THSD4: variants seen among roughly 807,000 people sequenced by gnomAD.
The protein encoded by THSD4 is thrombospondin type 1 domain containing 4, also known as thrombospondin type-1 domain-containing protein 4.
In THSD4, 69 loss-of-function variants were observed where a neutral mutation model predicts 119.0. The ratio of observed to expected loss-of-function variants is 0.58; its 90% CI spans 0.48 to 0.71. THSD4 has a LOEUF of 0.71. THSD4 is among the 30% of genes least tolerant of loss of function. The probability of loss-of-function intolerance (pLI) is 0.00; values close to 1 mark genes in which losing one functional copy is unlikely to be tolerated. For synonymous variants in THSD4, 524 were observed against 540.4 expected (o/e 0.97, Z 0.42); for missense variants, 1,393 against 1,391.1 (o/e 1.00, Z -0.02).
intron 7 of THSD4, among the ~76,000 whole-genome samples, chr15:71,545,983 C>A (rs2048831399): frequency 6.6e-6 from 1 of 152,146 alleles, no homozygotes; most frequent in Non-Finnish European, 1.5e-5. Context: ...AATTTACTTT[C>A]TGGGGCTGGC....
At chr15:71,614,356 A>T (rs2050286219) in intron 7 of THSD4, among the ~76,000 whole-genome samples, 1 of 152,026 alleles carries the variant, frequency 6.6e-6, no homozygotes, top group Non-Finnish European at 1.5e-5. Flanking sequence ...TGCTTTTTCC[A>T]CCTCAGAGCC....
At chr15:71,668,069 A>G (rs2051451180) in intron 8 of THSD4, among the ~76,000 whole-genome samples, 1 of 152,144 alleles carries the variant, frequency 6.6e-6, no homozygotes, top group South Asian at 2.1e-4. Context: ...TATTCTGTAC[A>G]GTGGATGTAC....
In THSD4 at chr15:71,780,290, C is replaced by T; in HGVS notation, c.*2916C>T. 1 of 158,896 alleles carries T rather than the reference C, an allele frequency of 6.3e-6. No individual in the cohort carries two copies. Among genetic ancestry groups the T allele is most frequent in the Admixed American group, 6.2e-5 (1 of 16,166 alleles). The allele number at this position is 158,896 out of a possible 1,614,324, so 9.8% of individuals were successfully genotyped here. A position where few individuals can be genotyped will look rare whatever the true frequency, so the allele number is the denominator to read the frequency against. On this transcript the variant is annotated 3_prime_UTR_variant, in exon 18 of 18. Transcript: ENST00000261862. ...CCTGTGTACGGGATTGCCTCATTTC[C>T]TGCTCTGAATTTTAAAATTAGATAT... is the stretch of plus-strand genomic sequence containing the variant.
chr15:71,224,102 G>A (rs2043995765), intron 4 of THSD4, among the ~76,000 whole-genome samples: 1 of 152,164 alleles, frequency 6.6e-6, no homozygotes, highest in African/African-American at 2.4e-5. Flanking sequence ...CTTTGAAAAG[G>A]AAAGATTTTA....
At chr15:71,532,521 T>C (rs75673352) in intron 7 of THSD4, among the ~76,000 whole-genome samples, 20,703 of 151,880 alleles carry the variant, frequency 0.14, 1,805 homozygotes, top group Middle Eastern at 0.22. Flanking sequence ...TTCACCATGT[T>C]GGCCAGGATG....
intron 7 of THSD4, among the ~76,000 whole-genome samples, chr15:71,613,119 T>C (rs1315137717): frequency 1.3e-5 from 2 of 152,164 alleles, no homozygotes; most frequent in Admixed American, 6.5e-5. Context: ...AGTATTTGTA[T>C]AAGCAGAGGT....
At chr15:71,765,346 C>G in intron 16 of THSD4, 147 bp downstream of exon 16, 1 of 977,470 alleles carries the variant, frequency 1.0e-6, no homozygotes, top group Non-Finnish European at 1.4e-6. Flanking sequence ...GCTGGAGTAC[C>G]CCGTGACTCA....
intron 8 of THSD4, among the ~76,000 whole-genome samples, chr15:71,667,623 G>A (rs558756313): frequency 2.6e-5 from 4 of 152,172 alleles, no homozygotes; most frequent in Non-Finnish European, 5.9e-5. Context: ...AAGTATCATG[G>A]ATCATCTATA....
intron 7 of THSD4, among the ~76,000 whole-genome samples, chr15:71,657,124 A>C (rs1203890494): frequency 6.6e-6 from 1 of 152,156 alleles, no homozygotes; most frequent in African/African-American, 2.4e-5. Context: ...AGCGTTCCTC[A>C]TGGCCTGATA....
intron 7 of THSD4, among the ~76,000 whole-genome samples, chr15:71,656,970 ATC>A (rs770196373): frequency 3.3e-5 from 5 of 152,220 alleles, no homozygotes; most frequent in African/African-American, 4.8e-5. Flanking sequence ...CATCCTAAGC[ATC>A]TCTCAAATCC....
chr15:71,743,153 T>A (rs1004110207), intron 11 of THSD4, among the ~76,000 whole-genome samples: 1 of 152,090 alleles, frequency 6.6e-6, no homozygotes, highest in Non-Finnish European at 1.5e-5. Flanking sequence ...CCATGGACAA[T>A]GTCCATAAAC....
At chr15:71,464,141 T>C (rs2047465938) in intron 7 of THSD4, among the ~76,000 whole-genome samples, 1 of 152,232 alleles carries the variant, frequency 6.6e-6, no homozygotes, top group African/African-American at 2.4e-5. Context: ...CCATGCTTGT[T>C]TATCCCATTT....
chr15:71,694,680 A>G (rs778056078), intron 8 of THSD4, among the ~76,000 whole-genome samples: 2 of 152,228 alleles, frequency 1.3e-5, no homozygotes, highest in African/African-American at 4.8e-5. Flanking sequence ...ATGATGTCCC[A>G]AGAAAAAGTA....
intron 7 of THSD4, among the ~76,000 whole-genome samples, chr15:71,442,257 C>A (rs2047107723): frequency 6.6e-6 from 1 of 151,896 alleles, no homozygotes; most frequent in African/African-American, 2.4e-5. Flanking sequence ...CGCACCCAGC[C>A]CCTTGTTGCT....
At chr15:71,480,495 A>G (rs1209240023) in intron 7 of THSD4, among the ~76,000 whole-genome samples, 1 of 152,200 alleles carries the variant, frequency 6.6e-6, no homozygotes, top group African/African-American at 2.4e-5. Context: ...CTCTTGCCAT[A>G]ATATTGCTGC....
intron 8 of THSD4, among the ~76,000 whole-genome samples, chr15:71,695,512 G>A (rs2052147618): frequency 6.6e-6 from 1 of 151,806 alleles, no homozygotes; most frequent in Non-Finnish European, 1.5e-5. Context: ...ATGTGTGTGT[G>A]TGTGTGTGTG....
intron 7 of THSD4, among the ~76,000 whole-genome samples, chr15:71,565,021 C>G (rs2049207859): frequency 1.3e-5 from 2 of 152,134 alleles, no homozygotes; most frequent in South Asian, 2.1e-4. Context: ...GAACACCAAA[C>G]TTACAAAGAG....
intron 7 of THSD4, among the ~76,000 whole-genome samples, chr15:71,629,736 T>C (rs1391894381): frequency 6.6e-6 from 1 of 152,174 alleles, no homozygotes; most frequent in Non-Finnish European, 1.5e-5. Context: ...AAGCTTCTCT[T>C]TGTTTATTTA....
chr15:71,154,764 C>A, intron 2 of THSD4, 99 bp from the exon 3 acceptor site: 2 of 1,197,154 alleles, frequency 1.7e-6, no homozygotes, highest in South Asian at 1.2e-5. Context: ...TTGGGCTGTT[C>A]CCCCCCCATC....
Sources: allele counts gnomAD v4.1 joint callset (sites outside exome capture counted in the v4.1 genomes callset), GRCh38; gene constraint gnomAD v4.1.1; transcripts MANE v1.5; gene names NCBI Gene and HGNC (gene_info 2026-07-23, HGNC 2026-07-21).